Variants in NXPH1 observed in about 807,000 individuals in gnomAD.
The protein encoded by NXPH1 is neurexophilin-1.
A neutral mutation model predicts 23.7 loss-of-function variants in NXPH1; 5 were observed. The observed-to-expected ratio is 0.21, with a 90% CI of 0.11 to 0.44. The LOEUF is 0.44. Among genes scored for constraint, NXPH1 ranks in the 20% least tolerant of loss-of-function variants. The pLI is 0.99. For synonymous variants in NXPH1, 144 were observed against 122.2 expected (o/e 1.18, Z -1.18); for missense variants, 324 against 321.6 (o/e 1.01, Z -0.06).
intron 2 of NXPH1, among the ~76,000 whole-genome samples, chr7:8,679,017 G>T (rs1372783531): frequency 7.4e-6 from 1 of 134,366 alleles, no homozygotes; most frequent in East Asian, 2.3e-4. Context: ...GCACGATTTC[G>T]GCTCACTGCA....
chr7:8,607,037 T>G (rs1436032245), intron 2 of NXPH1, among the ~76,000 whole-genome samples: 1 of 152,152 alleles, frequency 6.6e-6, no homozygotes, highest in Non-Finnish European at 1.5e-5. Context: ...ATAATTTTAG[T>G]TGGGGCTTTA....
chr7:8,625,321 G>T (rs1211265247), intron 2 of NXPH1, among the ~76,000 whole-genome samples: 1 of 152,068 alleles, frequency 6.6e-6, no homozygotes, highest in African/African-American at 2.4e-5. Flanking sequence ...ATATTATGTT[G>T]CTATGCATTG....
chr7:8,655,400 T>TTCTCTCTCTCTCTCTC (rs869162322), intron 2 of NXPH1, among the ~76,000 whole-genome samples: 3 of 42,868 alleles, frequency 7.0e-5, no homozygotes, highest in Admixed American at 6.3e-4. Flanking sequence ...GTCTTTGTCT[T>TTCTCTCTCTCTCTCTC]TCTCTCTCTC....
intron 2 of NXPH1, among the ~76,000 whole-genome samples, chr7:8,668,171 A>G (rs1009087949): frequency 7.4e-5 from 11 of 148,608 alleles, no homozygotes; most frequent in African/African-American, 2.7e-4. Flanking sequence ...ATTTTGAATT[A>G]TTTGTTAGAC....
At chr7:8,498,085 A>G (rs117964514) in intron 2 of NXPH1, among the ~76,000 whole-genome samples, 2,394 of 152,226 alleles carry the variant, frequency 0.016, 33 homozygotes, top group Non-Finnish European at 0.026. Flanking sequence ...TTGTGAGAAT[A>G]TTGAATCAAA....
chr7:8,646,048 TATTA>T (rs942207674), intron 2 of NXPH1, among the ~76,000 whole-genome samples: 7 of 152,274 alleles, frequency 4.6e-5, no homozygotes, highest in Admixed American at 3.3e-4. Context: ...TTGATTTTGC[TATTA>T]ATTAAATTAA....
intron 2 of NXPH1, among the ~76,000 whole-genome samples, chr7:8,521,032 C>T (rs1399666122): frequency 1.3e-5 from 2 of 152,134 alleles, no homozygotes; most frequent in African/African-American, 2.4e-5. Flanking sequence ...ATGGAAGAGA[C>T]ATAACTTGAT....
chr7:8,577,328 G>T (rs1818773624), intron 2 of NXPH1, among the ~76,000 whole-genome samples: 1 of 152,134 alleles, frequency 6.6e-6, no homozygotes. Flanking sequence ...AGAAACCTGG[G>T]AATTGTTGCA....
chr7:8,691,051 C>T (rs1377766562), intron 2 of NXPH1, among the ~76,000 whole-genome samples: 1 of 152,238 alleles, frequency 6.6e-6, no homozygotes, highest in African/African-American at 2.4e-5. Flanking sequence ...ATTGGGGTGA[C>T]ATATGGCTCT....
chr7:8,570,031 A>T (rs1398822921), intron 2 of NXPH1, among the ~76,000 whole-genome samples: 1 of 151,892 alleles, frequency 6.6e-6, no homozygotes, highest in East Asian at 1.9e-4. Flanking sequence ...ACTCCTCAAT[A>T]AAGTGGAGCT....
At chr7:8,465,593 CAG>C (rs1816774280) in intron 2 of NXPH1, among the ~76,000 whole-genome samples, 1 of 152,164 alleles carries the variant, frequency 6.6e-6, no homozygotes, top group African/African-American at 2.4e-5. Context: ...TATTGCAAAG[CAG>C]GGGGCATTTT....
chr7:8,680,977 T>C (rs563907544), intron 2 of NXPH1, among the ~76,000 whole-genome samples: 15 of 152,258 alleles, frequency 9.9e-5, no homozygotes, highest in African/African-American at 3.6e-4. Flanking sequence ...TTGAACTAGA[T>C]GTTTTACAGA....
intron 2 of NXPH1, among the ~76,000 whole-genome samples, chr7:8,718,371 G>A (rs1190896826): frequency 1.3e-5 from 2 of 152,104 alleles, no homozygotes; most frequent in African/African-American, 2.4e-5. Context: ...CTTGACAAAC[G>A]TTATTTACCT....
At chr7:8,544,768 C>T (rs919177251) in intron 2 of NXPH1, among the ~76,000 whole-genome samples, 1 of 151,598 alleles carries the variant, frequency 6.6e-6, no homozygotes, top group Non-Finnish European at 1.5e-5. Flanking sequence ...TACAAACCAA[C>T]ATATATCTAT....
intron 2 of NXPH1, among the ~76,000 whole-genome samples, chr7:8,742,533 A>G (rs1339528622): frequency 6.9e-6 from 1 of 144,450 alleles, no homozygotes; most frequent in Non-Finnish European, 1.6e-5. Context: ...ATATATCTGA[A>G]TATACTAGCT....
At chr7:8,636,374 G>T (rs1174188068) in intron 2 of NXPH1, among the ~76,000 whole-genome samples, 2 of 152,182 alleles carry the variant, frequency 1.3e-5, no homozygotes, top group African/African-American at 4.8e-5. Flanking sequence ...GCCTGCAAAA[G>T]TGTTCATCAG....
At chr7:8,556,348 C>T (rs1818358825) in intron 2 of NXPH1, among the ~76,000 whole-genome samples, 1 of 151,684 alleles carries the variant, frequency 6.6e-6, no homozygotes. Context: ...GTGATGTTAG[C>T]TGGATTTTCT....
intron 2 of NXPH1, among the ~76,000 whole-genome samples, chr7:8,705,367 A>C (rs915955399): frequency 2.6e-5 from 4 of 152,136 alleles, no homozygotes; most frequent in Non-Finnish European, 5.9e-5. Context: ...CATGAAGTGA[A>C]AGTTTTTCTG....
intron 2 of NXPH1, among the ~76,000 whole-genome samples, chr7:8,616,641 G>T (rs1057497866): frequency 3.3e-5 from 5 of 152,000 alleles, no homozygotes; most frequent in African/African-American, 1.2e-4. Context: ...GGGCCCCAAG[G>T]CAGGTAGAAG....
Sources: gnomAD v4.1 joint callset for allele counts (sites outside exome capture counted in the v4.1 genomes callset) on GRCh38, gnomAD v4.1.1 for gene constraint, MANE v1.5 for transcripts, NCBI Gene and HGNC (gene_info 2026-07-23, HGNC 2026-07-21) for gene names.